The following KIAA0825 variants were observed in gnomAD, a reference collection of about 807,000 sequenced individuals.
KIAA0825 encodes the protein KIAA0825.
In KIAA0825, 119 loss-of-function variants were observed where a neutral mutation model predicts 147.6. The ratio of observed to expected loss-of-function variants is 0.81; its 90% CI spans 0.69 to 0.94. The LOEUF (loss-of-function observed/expected upper bound fraction) is 0.94. Ranked by LOEUF, KIAA0825 falls within the 40% of genes least tolerant of loss-of-function variation. The probability of loss-of-function intolerance (pLI) is 0.00; values close to 1 mark genes in which losing one functional copy is unlikely to be tolerated. For missense variants in KIAA0825, 1,381 were observed against 1,472.7 expected (o/e 0.94, Z 1.02); for synonymous variants, 470 against 518.1 (o/e 0.91, Z 1.26).
At position 94,580,731 on chromosome 5, in the gene KIAA0825, C is replaced by T. The variant is rs1457983778; in HGVS notation, c.-2+1702G>A. 2.9e-5 allele frequency among the ~76,000 whole-genome samples: 3 copies of T among 101,786 alleles called. 1 individual carries two copies. Among genetic ancestry groups the T allele is most frequent in the Non-Finnish European group, 6.0e-5 (3 of 49,928 alleles). 66.8% of individuals were successfully genotyped at this position (101,786 alleles called of 152,430 possible). ...CTCTACTAAAAATACAAAAAATTAG[C>T]CGGGCGTAGTGGCGGGCGCCTGTAG... is the stretch of plus-strand genomic sequence containing the variant. On this transcript the variant is annotated intron_variant, in intron 2 of 20. Transcript: ENST00000682413.
chr5:94,442,763 T>G (rs1757246462), intron 13 of KIAA0825, among the ~76,000 whole-genome samples: 2 of 152,146 alleles, frequency 1.3e-5, no homozygotes, highest in African/African-American at 4.8e-5. Flanking sequence ...GAGTGCTAAC[T>G]TAAGGATCCA....
intron 20 of KIAA0825, among the ~76,000 whole-genome samples, chr5:94,325,975 ACTAC>A (rs1350159251): frequency 6.6e-6 from 1 of 152,074 alleles, no homozygotes; most frequent in African/African-American, 2.4e-5. Flanking sequence ...AGGTAATAAT[ACTAC>A]CTTTATGGTA....
At chr5:94,596,772 T>A (rs1785393428) in intron 1 of KIAA0825, among the ~76,000 whole-genome samples, 1 of 152,184 alleles carries the variant, frequency 6.6e-6, no homozygotes, top group African/African-American at 2.4e-5. Flanking sequence ...TTTGTAATTG[T>A]CATTGTAGAG....
At position 94,471,548 on chromosome 5, in the gene KIAA0825, A is replaced by T. The variant is rs1410035422; in HGVS notation, c.1639T>A (p.Leu547Met). ...EVPSKAPLKN[L>M]HTYLSTAVYV... is the part of the protein sequence containing the mutation. ...ACCGCTGTGGAGAGGTATGTGTGCA[A>T]GTTTTTCAGGGGTGCTTTGGAAGGA... Residue 547 changes from leucine to methionine, a missense_variant, in exon 9 of 21, where the codon TTG (leucine) becomes ATG (methionine). Coordinates refer to ENST00000682413, the MANE Select transcript of KIAA0825 (RefSeq NM_001145678.3). The T allele has an allele frequency of 6.4e-7, 1 of 1,551,974 alleles. No homozygotes were observed. Among genetic ancestry groups the T allele is most frequent in the Admixed American group, 2.0e-5 (1 of 50,988 alleles).
chr5:94,366,681 ATGC>A (rs1428644880), intron 20 of KIAA0825, among the ~76,000 whole-genome samples: 1 of 152,228 alleles, frequency 6.6e-6, no homozygotes, highest in African/African-American at 2.4e-5. Flanking sequence ...AGCAAGAAAG[ATGC>A]TGCTATTTTC....
At chr5:94,483,147 A>G (rs1762670694) in intron 6 of KIAA0825, among the ~76,000 whole-genome samples, 1 of 151,972 alleles carries the variant, frequency 6.6e-6, no homozygotes, top group African/African-American at 2.4e-5. Context: ...TCTATGCTTC[A>G]ATTCTTGGCC....
At chr5:94,407,026 A>G (rs551321226) in intron 15 of KIAA0825, among the ~76,000 whole-genome samples, 3 of 152,310 alleles carry the variant, frequency 2.0e-5, no homozygotes, top group Admixed American at 6.5e-5. Context: ...TAAGGTAGTG[A>G]TACTGGTTGC....
At chr5:94,374,903 G>A (rs1189842524) in intron 20 of KIAA0825, among the ~76,000 whole-genome samples, 1 of 152,084 alleles carries the variant, frequency 6.6e-6, no homozygotes, top group Admixed American at 6.5e-5. Flanking sequence ...GCTTCTTGGA[G>A]GATCTGAACC....
At chr5:94,244,951 G>A (rs527684908) in intron 20 of KIAA0825, among the ~76,000 whole-genome samples, 3 of 152,144 alleles carry the variant, frequency 2.0e-5, no homozygotes, top group African/African-American at 7.2e-5. Flanking sequence ...AGTATATACT[G>A]AATCTTAGTA....
chr5:94,297,022 G>A (rs1210563764), intron 20 of KIAA0825, among the ~76,000 whole-genome samples: 6 of 152,082 alleles, frequency 3.9e-5, no homozygotes, highest in East Asian at 1.9e-4. Flanking sequence ...TAGTTGAATT[G>A]TAATAATATA....
At chr5:94,403,072 CCT>C (rs1230413610) in intron 16 of KIAA0825, among the ~76,000 whole-genome samples, 2 of 151,972 alleles carry the variant, frequency 1.3e-5, no homozygotes, top group Non-Finnish European at 2.9e-5. Context: ...GAAAAAATAC[CCT>C]GTCAGAAAAA....
chr5:94,557,291 T>C (rs1776716434), intron 2 of KIAA0825, among the ~76,000 whole-genome samples: 2 of 152,026 alleles, frequency 1.3e-5, no homozygotes, highest in Admixed American at 6.6e-5. Context: ...TTTGTAGAGA[T>C]TGGGTTTTGC....
chr5:94,597,903 A>G (rs1561373908), intron 1 of KIAA0825, among the ~76,000 whole-genome samples: 1 of 152,112 alleles, frequency 6.6e-6, no homozygotes. Context: ...TATAAAAGAC[A>G]AAAAAATGGT....
chr5:94,371,717 C>T (rs1332317358), intron 20 of KIAA0825, among the ~76,000 whole-genome samples: 1 of 152,130 alleles, frequency 6.6e-6, no homozygotes, highest in African/African-American at 2.4e-5. Context: ...TTGGAATGGG[C>T]ACACAGCCAA....
At chr5:94,299,754 A>C (rs536689905) in intron 20 of KIAA0825, among the ~76,000 whole-genome samples, 1 of 152,288 alleles carries the variant, frequency 6.6e-6, no homozygotes, top group Non-Finnish European at 1.5e-5. Flanking sequence ...AGAGATAATT[A>C]ATTTTTGAAA....
intron 5 of KIAA0825, among the ~76,000 whole-genome samples, chr5:94,499,586 G>T (rs761970458): frequency 1.1e-4 from 3 of 27,112 alleles, no homozygotes; most frequent in Non-Finnish European, 1.9e-4. Flanking sequence ...TTCCCAATCT[G>T]GGGGGGGGGG....
At chr5:94,316,677 G>T (rs1779691290) in intron 20 of KIAA0825, among the ~76,000 whole-genome samples, 1 of 151,772 alleles carries the variant, frequency 6.6e-6, no homozygotes, top group African/African-American at 2.4e-5. Flanking sequence ...TGAATCAGGA[G>T]GATGTATCTT....
At chr5:94,442,449 T>A (rs569537937) in intron 13 of KIAA0825, among the ~76,000 whole-genome samples, 3 of 152,272 alleles carry the variant, frequency 2.0e-5, no homozygotes, top group Admixed American at 1.3e-4. Context: ...GCCAGAGGAA[T>A]CAAGTTTATC....
At chr5:94,403,165 ATAAT>A (rs1417775447) in intron 16 of KIAA0825, among the ~76,000 whole-genome samples, 2 of 152,160 alleles carry the variant, frequency 1.3e-5, no homozygotes, top group Non-Finnish European at 2.9e-5. Flanking sequence ...AAAGAAGGTA[ATAAT>A]TAGTGTTTGC....
Sources: gnomAD v4.1 joint callset for allele counts (sites outside exome capture counted in the v4.1 genomes callset) on GRCh38, gnomAD v4.1.1 for gene constraint, MANE v1.5 for transcripts, NCBI Gene and HGNC (gene_info 2026-07-23, HGNC 2026-07-21) for gene names.